Variants in MEF2D observed in about 807,000 individuals in gnomAD.
MEF2D encodes myocyte-specific enhancer factor 2D.
Under a neutral mutation model 59.3 loss-of-function variants are expected in MEF2D, and 10 were observed. The observed-to-expected ratio is 0.17, with a 90% CI of 0.10 to 0.29. MEF2D has a LOEUF of 0.29. MEF2D is among the 10% of genes least tolerant of loss of function. MEF2D has a pLI of 1.00. For synonymous variants in MEF2D, 305 were observed against 295.0 expected (o/e 1.03, Z -0.35); for missense variants, 508 against 699.4 (o/e 0.73, Z 3.09).
chr1:156,476,691 A>C (rs1671628589), intron 7 of MEF2D, among the ~76,000 whole-genome samples, 177 bp from the exon 8 acceptor site: 1 of 152,116 alleles, frequency 6.6e-6, no homozygotes, highest in South Asian at 2.1e-4. Flanking sequence ...GCTCCATCCC[A>C]ATCTCCACCA....
At chr1:156,489,242 C>T (rs542086281) in intron 1 of MEF2D, among the ~76,000 whole-genome samples, 7 of 152,196 alleles carry the variant, frequency 4.6e-5, no homozygotes, top group East Asian at 1.9e-4. Flanking sequence ...TCCCTCCTCC[C>T]GCCCCTTCCC....
intron 7 of MEF2D, 182 bp downstream of exon 7, chr1:156,476,825 TTGTGC>T: frequency 1.4e-6 from 1 of 703,458 alleles, no homozygotes; most frequent in Admixed American, 2.8e-5. Context: ...CTGGTACTTC[TTGTGC>T]TGCAACCTCT....
At chr1:156,476,148 C>T (rs1488526976) in intron 8 of MEF2D, among the ~76,000 whole-genome samples, 3 of 152,212 alleles carry the variant, frequency 2.0e-5, no homozygotes, top group African/African-American at 7.2e-5. Flanking sequence ...CCCCCTAGTC[C>T]AGGGCCTAGT....
intron 1 of MEF2D, among the ~76,000 whole-genome samples, chr1:156,497,541 G>T (rs1209034667): frequency 6.6e-6 from 1 of 152,164 alleles, no homozygotes; most frequent in African/African-American, 2.4e-5. Context: ...CACCAACGAT[G>T]ACCTGTGTCC....
chr1:156,484,435 A>G (rs1331512456), intron 1 of MEF2D, among the ~76,000 whole-genome samples: 1 of 152,220 alleles, frequency 6.6e-6, no homozygotes, highest in Non-Finnish European at 1.5e-5. Context: ...CAATACAACT[A>G]TATTTACAAA....
chr1:156,482,230 A>T (rs1672070347), intron 3 of MEF2D, among the ~76,000 whole-genome samples: 3 of 152,224 alleles, frequency 2.0e-5, no homozygotes, highest in Non-Finnish European at 4.4e-5. Context: ...TGGCCTGTTC[A>T]CTTGAACTGC....
chr1:156,475,964 G>A (rs1440941078), intron 8 of MEF2D, among the ~76,000 whole-genome samples: 3 of 152,176 alleles, frequency 2.0e-5, no homozygotes, highest in African/African-American at 7.2e-5. Context: ...AGGGAGACAG[G>A]GGAGGTGGGA....
intron 2 of MEF2D, 115 bp downstream of exon 2, chr1:156,483,123 TA>T: frequency 1.8e-6 from 2 of 1,088,732 alleles, no homozygotes; most frequent in East Asian, 4.7e-5. Context: ...TCCCCTTCTG[TA>T]ATAGCTTATA....
intron 3 of MEF2D, among the ~76,000 whole-genome samples, chr1:156,481,572 G>A (rs930573870): frequency 2.0e-4 from 30 of 152,242 alleles, no homozygotes; most frequent in African/African-American, 7.2e-4. Context: ...GGGATCTGCA[G>A]TAGACCCCAA....
chr1:156,480,601 A>G, intron 4 of MEF2D: 1 of 1,519,324 alleles, frequency 6.6e-7, no homozygotes, highest in Non-Finnish European at 8.8e-7. Context: ...GCGAAGCCAC[A>G]CCATGCACCA....
In MEF2D at chr1:156,483,338, G is replaced by A. The variant is rs769914751; in HGVS notation, c.-46C>T. On this transcript the variant is annotated 5_prime_UTR_variant, in exon 2 of 12. Transcript: ENST00000348159. Reference sequence around the variant, plus strand: ...GCTACGGAGGGGAGGGGCTCGCTGGGTGGTGGGTCTCGGCACACCTTACAC... The same window carrying A: ...GCTACGGAGGGGAGGGGCTCGCTGGATGGTGGGTCTCGGCACACCTTACAC... The A allele has an allele frequency of 4.4e-6, 7 of 1,585,128 alleles. No individual in the cohort carries two copies. The African/African-American group carries it at 8.1e-5, about 18-fold the overall frequency.
At chr1:156,498,320 T>G (rs143491595) in intron 1 of MEF2D, among the ~76,000 whole-genome samples, 13 of 152,096 alleles carry the variant, frequency 8.5e-5, no homozygotes, top group African/African-American at 2.9e-4. Context: ...CTTTCAGGCA[T>G]TGAGTACAGC....
chr1:156,483,407 G>T lies in MEF2D; in HGVS notation c.-115C>A. ...GGGAACAGTGCTCAGTTCATGGTCT[G>T]CAGGATACCTTCTGCACAGCCTCCT... is the stretch of plus-strand genomic sequence containing the variant. On this transcript the variant is annotated 5_prime_UTR_variant, in exon 2 of 12. Transcript: ENST00000348159. 1 of 1,000,270 alleles carries T rather than the reference G, an allele frequency of 1.0e-6. No homozygotes were observed. Among genetic ancestry groups the T allele is most frequent in the Non-Finnish European group, 1.6e-6 (1 of 633,806 alleles). The allele number at this position is 1,000,270 out of a possible 1,614,324, so 62.0% of individuals were successfully genotyped here.
chr1:156,474,543 G>A (rs1336081750), intron 9 of MEF2D, among the ~76,000 whole-genome samples: 1 of 152,242 alleles, frequency 6.6e-6, no homozygotes, highest in Non-Finnish European at 1.5e-5. Context: ...CTTTGGTGCT[G>A]GGCACAGTCG....
At position 156,479,711 on chromosome 1, in the gene MEF2D, C is replaced by T. The variant is rs368005383; in HGVS notation, c.482G>A (p.Gly161Asp). The change falls in exon 5 of 12, where the codon GGC becomes GAC. Residue 161 changes from glycine (G) to aspartate (D), a missense_variant. Physicochemically the swap from Gly to Asp is moderately conservative, Grantham distance 94. This residue lies in a region of MEF2D where 481 missense variants were observed against 584.7 expected (regional missense o/e 0.82). Coordinates refer to ENST00000348159, the MANE Select transcript of MEF2D (RefSeq NM_005920.4). ...CACCAGGGAAGGGGTGACCAGGGAG[C>T]CGCTGGGATTGCTGAACTGCAGTGA... ...QSSLQFSNPS[G>D]SLVTPSLVTS... The T allele has an allele frequency of 1.9e-6, 3 of 1,551,540 alleles. No individual in the cohort carries two copies. The highest frequency in any genetic ancestry group is 2.6e-6 in the Non-Finnish European group (3 of 1,146,994).
In MEF2D at chr1:156,464,660, G is replaced by A. The variant is rs1350240086; in HGVS notation, c.*2985C>T. ...GACCCATTCATCTGGCCGCCCAGGAGCCCCTACCCCCAAGAGAAACCTTCG... is the reference window on the plus strand; with the variant it reads ...GACCCATTCATCTGGCCGCCCAGGAACCCCTACCCCCAAGAGAAACCTTCG... On this transcript the variant is annotated 3_prime_UTR_variant, in exon 12 of 12. Transcript: ENST00000348159. 1 of 152,146 alleles carries A rather than the reference G, an allele frequency of 6.6e-6. No individual in the cohort carries two copies. The allele number at this position is 152,146 out of a possible 1,614,324, so 9.4% of individuals were successfully genotyped here. A position where few individuals can be genotyped will look rare whatever the true frequency, so the allele number is the denominator to read the frequency against.
intron 2 of MEF2D, 103 bp downstream of exon 2, chr1:156,483,135 GT>G: frequency 1.7e-6 from 2 of 1,206,620 alleles, no homozygotes; most frequent in East Asian, 2.3e-5. Context: ...ATAGCTTATA[GT>G]TTCCCCTCTT....
intron 1 of MEF2D, among the ~76,000 whole-genome samples, chr1:156,498,559 C>T (rs962189274): frequency 8.5e-5 from 13 of 152,076 alleles, no homozygotes; most frequent in African/African-American, 2.9e-4. Context: ...CCTTTTGGGT[C>T]CCTACAGGGG....
intron 8 of MEF2D, among the ~76,000 whole-genome samples, chr1:156,476,088 CAAG>C (rs1304211134): frequency 2.0e-5 from 3 of 152,136 alleles, no homozygotes; most frequent in Non-Finnish European, 4.4e-5. Context: ...TCCTGGATCC[CAAG>C]AATGCAGTGT....
Sources: allele counts gnomAD v4.1 joint callset (sites outside exome capture counted in the v4.1 genomes callset), GRCh38; gene constraint gnomAD v4.1.1; regional missense constraint gnomAD v4.1.1; transcripts MANE v1.5; gene names NCBI Gene and HGNC (gene_info 2026-07-23, HGNC 2026-07-21).